INPPL1: variants seen among roughly 807,000 people sequenced by gnomAD.
INPPL1 encodes phosphatidylinositol 3,4,5-trisphosphate 5-phosphatase 2.
INPPL1 carries 91 observed loss-of-function variants against 139.3 expected under a neutral mutation model. The observed-to-expected ratio is 0.65, with a 90% CI of 0.55 to 0.78. The LOEUF (loss-of-function observed/expected upper bound fraction) is 0.78, where lower values mean the gene tolerates loss of function less well. Ranked by LOEUF, INPPL1 falls within the 30% of genes least tolerant of loss-of-function variation. The probability of loss-of-function intolerance (pLI) is 0.00; values close to 1 mark genes in which losing one functional copy is unlikely to be tolerated. For missense variants in INPPL1, 1,411 were observed against 1,665.6 expected (o/e 0.85, Z 2.66); for synonymous variants, 719 against 686.6 (o/e 1.05, Z -0.74).
In INPPL1 at chr11:72,228,638, C is replaced by G; in HGVS notation, c.398-89C>G. The G allele has an allele frequency of 6.4e-7, 1 of 1,550,928 alleles. No individual in the cohort carries two copies. The highest frequency in any genetic ancestry group is 1.8e-5 in the Admixed American group (1 of 55,684). On this transcript the variant is annotated intron_variant, in intron 3 of 27. Coordinates refer to ENST00000298229, the MANE Select transcript of INPPL1 (RefSeq NM_001567.4). The surrounding 1 kb of genome is among the most constrained non-coding windows in gnomAD (Gnocchi z 5.0). Reference sequence around the variant, plus strand: ...ATGCCGGGGCCCTTTAACCCTCTTTCCATGGAAGTCACTTTACAGCTGCAT... The same window carrying G: ...ATGCCGGGGCCCTTTAACCCTCTTTGCATGGAAGTCACTTTACAGCTGCAT...
In INPPL1 at chr11:72,238,255, C is replaced by G; in HGVS notation, c.3687-8C>G. The G allele has an allele frequency of 6.2e-6, 10 of 1,613,668 alleles. No homozygotes were observed. The highest frequency in any genetic ancestry group is 8.5e-6 in the Non-Finnish European group (10 of 1,179,742). ...CCATCTCACTTCCCAGCCTGTTTTA[C>G]TCCACAGTGACATCACCGAGGAGGA... On this transcript the variant is annotated splice_region_variant and splice_polypyrimidine_tract_variant and intron_variant, in intron 27 of 27. Transcript: ENST00000298229.
chr11:72,237,153 A>G lies in INPPL1; in HGVS notation c.2909A>G (p.Glu970Gly), dbSNP rs1350401050. 1 of 1,599,012 alleles carries G rather than the reference A, an allele frequency of 6.3e-7. No homozygotes were observed. The highest frequency in any genetic ancestry group is 1.1e-5 in the South Asian group (1 of 90,290). Residue 970 changes from glutamate (E) to glycine (G), a missense_variant, in exon 26 of 28, where the codon GAA becomes GGA. Transcript: ENST00000298229. Reference protein sequence around the residue: ...RLKPEGAPEPEGVAAPPPKNS... With the variant: ...RLKPEGAPEPGGVAAPPPKNS... ...AAGCCAGAGGGAGCTCCTGAACCAG[A>G]AGGGGTGGCGGCCCCCCCACCCAAG...
intron 1 of INPPL1, among the ~76,000 whole-genome samples, chr11:72,227,524 G>A (rs930585580): frequency 5.9e-5 from 9 of 152,122 alleles, no homozygotes; most frequent in Middle Eastern, 3.2e-3. Flanking sequence ...CCTGAGGTGC[G>A]GAGGCAGAGG....
intron 1 of INPPL1, among the ~76,000 whole-genome samples, chr11:72,226,729 G>A (rs894503587): frequency 3.3e-5 from 5 of 152,138 alleles, no homozygotes; most frequent in African/African-American, 1.2e-4. Flanking sequence ...GACTAAGGAG[G>A]GACAGACTAG....
At position 72,228,562 on chromosome 11, in the gene INPPL1, TC is replaced by T; in HGVS notation, c.397+70del. ...CCTTGGCTCTACCTGCCTCTTCCCA[TC>T]CCCCCTTCTCAACCCCACCTCTCCT... On this transcript the variant is annotated intron_variant, in intron 3 of 27. Transcript: ENST00000298229. This position sits in a 1 kb window ranked among gnomAD's most constrained non-coding sequence, Gnocchi z 5.0. 1 of 1,572,084 alleles carries T rather than the reference TC, an allele frequency of 6.4e-7. No homozygotes were observed. The highest frequency in any genetic ancestry group is 1.1e-5 in the South Asian group (1 of 89,402).
rs1288612886 is a variant in INPPL1, at chr11:72,237,532, GC to G, written c.3290del (p.Pro1097LeufsTer34). On this transcript the variant is annotated frameshift_variant, in exon 26 of 28. Transcript: ENST00000298229. LOFTEE classifies it high-confidence loss of function. ...CACCACCTCCCAAGGCCCATCCAAG[GC>G]CTCCACTGCCCCCAGGCCCCTCACC... ...GPPPPKAHPRPPLPPGPSPAS... is the reference protein window; with the variant it reads ...GPPPPKAHPRXPLPPGPSPAS... The G allele has an allele frequency of 6.9e-6, 11 of 1,605,628 alleles. No homozygotes were observed. Among genetic ancestry groups the G allele is most frequent in the Non-Finnish European group, 9.4e-6 (11 of 1,174,632 alleles).
At position 72,230,735 on chromosome 11, in the gene INPPL1, C is replaced by T. The variant is rs191775586; in HGVS notation, c.1198-61C>T. 166 of 1,401,542 alleles carry T rather than the reference C, an allele frequency of 1.2e-4. 2 individuals are homozygous for T. In the African/African-American group the frequency reaches 2.2e-3, roughly 18 times the overall value. The allele number at this position is 1,401,542 out of a possible 1,614,324, so 86.8% of individuals were successfully genotyped here. A position where few individuals can be genotyped will look rare whatever the true frequency, so the allele number is the denominator to read the frequency against. ...GGACATGAGCCAACTGGCAGGGTAT[C>T]CCTGTGGACGGGGGGCTTCCTGGAT... On this transcript the variant is annotated intron_variant, in intron 10 of 27. Coordinates refer to ENST00000298229, the MANE Select transcript of INPPL1 (RefSeq NM_001567.4).
Position 72,234,732 on chromosome 11 carries a change from AGTGTGTGTGTGTGTGT to A in INPPL1, c.2415+134_2415+149del, listed in dbSNP as rs112903949. 1.9e-6 allele frequency: 1 copy of A among 527,282 alleles called. No individual in the cohort carries two copies. The highest frequency in any genetic ancestry group is 3.3e-5 in the East Asian group (1 of 30,570). 32.7% of individuals were successfully genotyped at this position (527,282 alleles called of 1,614,324 possible). A position where few individuals can be genotyped will look rare whatever the true frequency, so the allele number is the denominator to read the frequency against. ...GGGGCCAGCAGAGAGAGAGAGAGAG[AGTGTGTGTGTGTGTGT>A]GTGTGTGTGTGTGTGTATGGGCATG... On this transcript the variant is annotated intron_variant, in intron 21 of 27. Coordinates refer to ENST00000298229, the MANE Select transcript of INPPL1 (RefSeq NM_001567.4). This position sits in a 1 kb window ranked among gnomAD's most constrained non-coding sequence, Gnocchi z 4.2.
At chr11:72,229,397 A>G (rs1317632878) in intron 5 of INPPL1, 68 bp from the exon 6 acceptor site, 120 of 1,503,946 alleles carry the variant, frequency 8.0e-5, no homozygotes, top group Non-Finnish European at 9.2e-6. Context: ...GGTTGAGGCT[A>G]CACCCAGCGC....
At chr11:72,227,523 C>T (rs1271176151) in intron 1 of INPPL1, among the ~76,000 whole-genome samples, 3 of 152,098 alleles carry the variant, frequency 2.0e-5, no homozygotes, top group Non-Finnish European at 2.9e-5. Flanking sequence ...CCCTGAGGTG[C>T]GGAGGCAGAG....
chr11:72,224,873 C>A lies in INPPL1; in HGVS notation c.-112C>A. 1 of 744,548 alleles carries A rather than the reference C, an allele frequency of 1.3e-6. No homozygotes were observed. Among genetic ancestry groups the A allele is most frequent in the Non-Finnish European group, 1.7e-6 (1 of 601,568 alleles). The allele number at this position is 744,548 out of a possible 1,614,324, so 46.1% of individuals were successfully genotyped here. A position where few individuals can be genotyped will look rare whatever the true frequency, so the allele number is the denominator to read the frequency against. ...GTCCCGATCCCCGGCTCTGTCCGGC[C>A]CACGGATCCTCAAGCCCGGGCCCCG... On this transcript the variant is annotated 5_prime_UTR_variant, in exon 1 of 28. Coordinates refer to ENST00000298229, the MANE Select transcript of INPPL1 (RefSeq NM_001567.4).
chr11:72,232,375 C>G (rs369827386), intron 14 of INPPL1, 39 bp downstream of exon 14: 101 of 1,512,458 alleles, frequency 6.7e-5, no homozygotes, highest in Non-Finnish European at 6.8e-5. Context: ...TTACACCCAT[C>G]CCATTCACCT....
In INPPL1 at chr11:72,237,441, C is replaced by A. The variant is rs774748160; in HGVS notation, c.3197C>A (p.Pro1066His). 30 of 1,610,596 alleles carry A rather than the reference C, an allele frequency of 1.9e-5. No individual in the cohort carries two copies. Among genetic ancestry groups the A allele is most frequent in the Non-Finnish European group, 2.2e-5 (26 of 1,177,754 alleles). The change falls in exon 26 of 28, where the codon CCC becomes CAC. Residue 1066 changes from proline to histidine, a missense_variant. This residue lies in a region of INPPL1 where 438 missense variants were observed against 425.7 expected (regional missense o/e 1.03). Transcript: ENST00000298229. ...CTGCCGGACTCAGCCATCTTCCTGC[C>A]CCCCAGCCTGGATCCTTTACCAGGG... is the stretch of plus-strand genomic sequence containing the variant. ...PPLPDSAIFL[P>H]PSLDPLPGPV...
rs1400287469 is a variant in INPPL1 at position 72,235,044 on chromosome 11, G to A, written c.2416-72G>A. ...TGAGGGTGGGGATTGAGTGGTGTCAGGGGGCAGCGCGTAGGAGGGGCAGGA... is the reference window on the plus strand; with the variant it reads ...TGAGGGTGGGGATTGAGTGGTGTCAAGGGGCAGCGCGTAGGAGGGGCAGGA... On this transcript the variant is annotated intron_variant, in intron 21 of 27. Coordinates refer to ENST00000298229, the MANE Select transcript of INPPL1 (RefSeq NM_001567.4). This position sits in a 1 kb window ranked among gnomAD's most constrained non-coding sequence, Gnocchi z 4.9. The A allele has an allele frequency of 3.6e-6, 4 of 1,104,342 alleles. No homozygotes were observed. The highest frequency in any genetic ancestry group is 2.3e-5 in the African/African-American group (1 of 42,592). 68.4% of individuals were successfully genotyped at this position (1,104,342 alleles called of 1,614,324 possible). A position where few individuals can be genotyped will look rare whatever the true frequency, so the allele number is the denominator to read the frequency against.
At position 72,235,428 on chromosome 11, in the gene INPPL1, TG is replaced by T; in HGVS notation, c.2639del (p.Gly880AlafsTer78). The T allele has an allele frequency of 6.2e-7, 1 of 1,612,882 alleles. No individual in the cohort carries two copies. Among genetic ancestry groups the T allele is most frequent in the Non-Finnish European group, 8.5e-7 (1 of 1,179,888 alleles). ...SMKVRVPTER[L>X]GTRERLYEWI... ...AAGGTGCGGGTGCCCACGGAGCGCC[TG>T]GGCACCCGTGAGCGGCTCTACGGTG... On this transcript the variant is annotated frameshift_variant, in exon 23 of 28. Transcript: ENST00000298229. LOFTEE classifies it high-confidence loss of function. This position sits in a 1 kb window ranked among gnomAD's most constrained non-coding sequence, Gnocchi z 4.9.
intron 13 of INPPL1, 36 bp downstream of exon 13, chr11:72,231,651 G>A (rs377074019): frequency 2.9e-5 from 42 of 1,432,674 alleles, no homozygotes; most frequent in Non-Finnish European, 3.4e-5. Flanking sequence ...GAGTGGCAGC[G>A]TCTCTCTGTC....
chr11:72,231,345 G>A, intron 12 of INPPL1, 153 bp from the exon 13 acceptor site: 3 of 925,824 alleles, frequency 3.2e-6, no homozygotes, highest in Non-Finnish European at 5.1e-6. Context: ...AGTCCTTCAT[G>A]CCACGAGAGG....
At chr11:72,227,193 A>G (rs1451201631) in intron 1 of INPPL1, among the ~76,000 whole-genome samples, 1 of 152,184 alleles carries the variant, frequency 6.6e-6, no homozygotes, top group East Asian at 1.9e-4. Context: ...GGCTTCTGCC[A>G]TGGTTTAAAA....
chr11:72,229,847 C>T (rs552436243), intron 7 of INPPL1, 77 bp from the exon 8 acceptor site: 4 of 1,561,396 alleles, frequency 2.6e-6, no homozygotes, highest in African/African-American at 1.4e-5. Flanking sequence ...TAACATTGGC[C>T]CCAAGGTCAA....
Sources: allele counts gnomAD v4.1 joint callset (sites outside exome capture counted in the v4.1 genomes callset), GRCh38; gene constraint gnomAD v4.1.1; regional missense constraint gnomAD v4.1.1; non-coding constraint Gnocchi (gnomAD v3.1); transcripts MANE v1.5; gene names NCBI Gene and HGNC (gene_info 2026-07-23, HGNC 2026-07-21).